The following KMT2C variants were observed in gnomAD, a reference collection of about 807,000 sequenced individuals.
KMT2C encodes the protein histone-lysine N-methyltransferase 2C.
A neutral mutation model predicts 507.9 loss-of-function variants in KMT2C; 88 were observed. That is an observed-to-expected ratio of 0.17 (90% CI 0.15 to 0.21). The LOEUF is 0.21. Among genes scored for constraint, KMT2C ranks in the 10% least tolerant of loss-of-function variants. The pLI is 1.00. For missense variants in KMT2C, 4,954 were observed against 5,957.8 expected, an observed-to-expected ratio of 0.83 and a Z score of 5.55; for synonymous variants, 2,049 against 2,080.8, an observed-to-expected ratio of 0.98 and a Z score of 0.42.
intron 6 of KMT2C, among the ~76,000 whole-genome samples, chr7:152,289,663 T>C (rs2096373492): frequency 6.6e-6 from 1 of 152,182 alleles, no homozygotes; most frequent in African/African-American, 2.4e-5. Flanking sequence ...AATAAGAAGA[T>C]TTGAAAAACT....
At chr7:152,413,250 G>C (rs914368682) in intron 1 of KMT2C, among the ~76,000 whole-genome samples, 1 of 152,044 alleles carries the variant, frequency 6.6e-6, no homozygotes, top group African/African-American at 2.4e-5. Context: ...GAGTAGCTGG[G>C]ACTACTAACG....
intron 16 of KMT2C, among the ~76,000 whole-genome samples, chr7:152,235,078 G>A (rs1402283003): frequency 2.6e-5 from 4 of 152,020 alleles, no homozygotes; most frequent in Non-Finnish European, 5.9e-5. Context: ...TACAACTCTA[G>A]AAAATGCAAA....
intron 7 of KMT2C, among the ~76,000 whole-genome samples, chr7:152,272,305 G>C (rs1277855568): frequency 6.6e-6 from 1 of 152,126 alleles, no homozygotes; most frequent in Non-Finnish European, 1.5e-5. Context: ...TCAGTAGAAA[G>C]TAGCACTGCC....
intron 2 of KMT2C, among the ~76,000 whole-genome samples, chr7:152,351,621 G>A (rs776258505): frequency 5.3e-5 from 8 of 152,142 alleles, no homozygotes; most frequent in South Asian, 2.1e-4. Flanking sequence ...CTGAGGGACC[G>A]GCTGAAGCCA....
chr7:152,362,241 C>G (rs1046185538), intron 1 of KMT2C, among the ~76,000 whole-genome samples: 4 of 152,088 alleles, frequency 2.6e-5, no homozygotes, highest in African/African-American at 9.7e-5. Context: ...ATACAGATAT[C>G]TGGGAGAAAA....
intron 16 of KMT2C, 116 bp from the exon 17 acceptor site, chr7:152,230,437 T>G: frequency 2.0e-6 from 1 of 500,824 alleles, no homozygotes; most frequent in African/African-American, 2.0e-5. Context: ...AGGTCTAGAA[T>G]AACAATTCCA....
Position 152,187,775 on chromosome 7 carries a change from G to A in KMT2C, c.4733C>T (p.Pro1578Leu), listed in dbSNP as rs1225198084. ...GAAAGTTCCCAGTCCGCTTCCAGGT[G>A]GCAAAGAATTATGTGGGAGATGAGG... ...SSPHLPHNSL[P>L]PGSGLGTFSA... The change falls in exon 32 of 59, where the codon CCA becomes CTA. Residue 1578 changes from proline to leucine, a missense_variant. This residue lies in a region of KMT2C where 195 missense variants were observed against 183.7 expected (regional missense o/e 1.06). Transcript: ENST00000262189. 2.5e-6 allele frequency: 4 copies of A among 1,613,926 alleles called. No individual in the cohort carries two copies. In the Admixed American group the frequency reaches 6.7e-5, roughly 27 times the overall value.
rs1381682036 is a variant in KMT2C at position 152,163,242 on chromosome 7, CCTA to C, written c.10332_10334del (p.Ser3444del). 1 of 1,614,140 alleles carries C rather than the reference CCTA, an allele frequency of 6.2e-7. No individual in the cohort carries two copies. The highest frequency in any genetic ancestry group is 8.5e-7 in the Non-Finnish European group (1 of 1,180,026). ...AGAAGGGAATCTGGGACACAGATGT[CCTA>C]CTACTACTTATCTCAGAGCCCACCA... On this transcript the variant is annotated inframe_deletion, in exon 43 of 59. Coordinates refer to ENST00000262189, the MANE Select transcript of KMT2C (RefSeq NM_170606.3).
rs555784699 is a variant in KMT2C, at chr7:152,371,605, A to T, written c.162-12930T>A. 5.7e-4 allele frequency among the ~76,000 whole-genome samples: 87 copies of T among 151,780 alleles called. No homozygotes were observed. The East Asian group carries it at 0.011, about 20-fold the overall frequency. The stretch of plus-strand genomic sequence containing the variant: ...GATTGGCTGAGTGATTTTTTTTTTA[A>T]TTTTTTCATTTCATTTTATTTTTTT... On this transcript the variant is annotated intron_variant, in intron 1 of 58. Coordinates refer to ENST00000262189, the MANE Select transcript of KMT2C (RefSeq NM_170606.3).
rs2095838955 is a variant in KMT2C, at chr7:152,264,951, T to G, written c.1184+87A>C. On this transcript the variant is annotated intron_variant, in intron 8 of 58. Coordinates refer to ENST00000262189, the MANE Select transcript of KMT2C (RefSeq NM_170606.3). ...GAATATAGCTAAAATATGAACAACC[T>G]CTATTATATTACACAAACCTTTAGC... 5.5e-6 allele frequency: 8 copies of G among 1,466,002 alleles called. No individual in the cohort carries two copies. The Admixed American group carries it at 1.9e-4, about 35-fold the overall frequency. The allele number at this position is 1,466,002 out of a possible 1,614,324, so 90.8% of individuals were successfully genotyped here.
In KMT2C at chr7:152,144,638, A is replaced by T. The variant is rs2129092506; in HGVS notation, c.14343+75T>A. On this transcript the variant is annotated intron_variant, in intron 55 of 58. Coordinates refer to ENST00000262189, the MANE Select transcript of KMT2C (RefSeq NM_170606.3). This position sits in a 1 kb window ranked among gnomAD's most constrained non-coding sequence, Gnocchi z 4.4. The stretch of plus-strand genomic sequence containing the variant: ...CAGCTATGTGAAATCATTTTCACAT[A>T]CTGGACATCAATAGCTTCAGATTGC... 7.2e-7 allele frequency: 1 copy of T among 1,387,478 alleles called. No individual in the cohort carries two copies. Among genetic ancestry groups the T allele is most frequent in the Non-Finnish European group, 1.0e-6 (1 of 998,490 alleles). 85.9% of individuals were successfully genotyped at this position (1,387,478 alleles called of 1,614,324 possible).
intron 14 of KMT2C, among the ~76,000 whole-genome samples, chr7:152,244,348 T>C (rs1357409524): frequency 6.6e-6 from 1 of 152,032 alleles, no homozygotes; most frequent in Non-Finnish European, 1.5e-5. Context: ...AATCACTTTC[T>C]TAAACCCAGG....
At chr7:152,365,052 C>T (rs920438433) in intron 1 of KMT2C, among the ~76,000 whole-genome samples, 3 of 152,004 alleles carry the variant, frequency 2.0e-5, no homozygotes, top group African/African-American at 7.3e-5. Flanking sequence ...AGAAAATACA[C>T]ATTGCTTAAA....
intron 2 of KMT2C, among the ~76,000 whole-genome samples, chr7:152,336,726 G>T (rs1180414341): frequency 6.6e-6 from 1 of 152,162 alleles, no homozygotes; most frequent in Non-Finnish European, 1.5e-5. Flanking sequence ...GGAAATTGGA[G>T]CAGACATTTA....
chr7:152,333,793 TCAAA>T (rs1269351265), intron 2 of KMT2C, among the ~76,000 whole-genome samples: 6 of 152,204 alleles, frequency 3.9e-5, no homozygotes, highest in African/African-American at 1.4e-4. Context: ...ACATGAAGCA[TCAAA>T]CAGATGGTTT....
chr7:152,182,033 C>G lies in KMT2C; in HGVS notation c.5827G>C (p.Ala1943Pro). 1 of 1,614,148 alleles carries G rather than the reference C, an allele frequency of 6.2e-7. No individual in the cohort carries two copies. Among genetic ancestry groups the G allele is most frequent in the Non-Finnish European group, 8.5e-7 (1 of 1,180,022 alleles). ...SRPLQMNETT[A>P]NRPSPVRDLC... ...TCTCTGACAGGGGATGGCCTATTTG[C>G]TGTTGTCTCATTCATTTGAAGGGGC... The change falls in exon 36 of 59, where the codon GCA (alanine) becomes CCA (proline). Residue 1943 changes from alanine to proline, a missense_variant. Ala to Pro is a conservative substitution (Grantham distance 27, BLOSUM62 -1). Around this residue, in one of 29 missense-constraint regions of KMT2C, gnomAD observed 1,689 missense variants for 1,654.3 expected, o/e 1.02. Transcript: ENST00000262189.
chr7:152,435,462 G>A (rs1447759777), intron 1 of KMT2C, among the ~76,000 whole-genome samples, 164 bp downstream of exon 1: 3 of 145,946 alleles, frequency 2.1e-5, no homozygotes, highest in Non-Finnish European at 4.6e-5. Flanking sequence ...GGCTACCGAG[G>A]GGCGCGGGGC....
At chr7:152,255,157 A>ATATATATATGTGTG (rs767823858) in intron 9 of KMT2C, among the ~76,000 whole-genome samples, 3 of 128,372 alleles carry the variant, frequency 2.3e-5, no homozygotes, top group African/African-American at 9.1e-5. Flanking sequence ...ATATATATAT[A>ATATATATATGTGTG]TGTGTGTGTG....
At chr7:152,235,454 G>C (rs1434136509) in intron 16 of KMT2C, among the ~76,000 whole-genome samples, 1 of 151,688 alleles carries the variant, frequency 6.6e-6, no homozygotes, top group African/African-American at 2.4e-5. Flanking sequence ...TAAAATATTT[G>C]CTAGTTAGCA....
Sources: allele counts gnomAD v4.1 joint callset (sites outside exome capture counted in the v4.1 genomes callset), GRCh38; gene constraint gnomAD v4.1.1; regional missense constraint gnomAD v4.1.1; non-coding constraint Gnocchi (gnomAD v3.1); transcripts MANE v1.5; gene names NCBI Gene and HGNC (gene_info 2026-07-23, HGNC 2026-07-21).